The following PAPPA variants were observed in gnomAD, a reference collection of about 807,000 sequenced individuals.
PAPPA encodes pappalysin 1.
Under a neutral mutation model 164.0 loss-of-function variants are expected in PAPPA, and 60 were observed. That is an observed-to-expected ratio of 0.37 (90% CI 0.30 to 0.45). The LOEUF (loss-of-function observed/expected upper bound fraction) is 0.45, where lower values mean the gene tolerates loss of function less well. Ranked by LOEUF, PAPPA falls within the 20% of genes least tolerant of loss-of-function variation. The pLI, the probability that PAPPA is intolerant of heterozygous loss-of-function variation, is 1.00. For synonymous variants in PAPPA, 875 were observed against 814.1 expected, an observed-to-expected ratio of 1.07 and a Z score of -1.27; for missense variants, 1,782 against 2,087.3, an observed-to-expected ratio of 0.85 and a Z score of 2.85.
chr9:116,218,215 A>G (rs924443463), intron 4 of PAPPA, among the ~76,000 whole-genome samples: 3 of 152,154 alleles, frequency 2.0e-5, no homozygotes, highest in African/African-American at 7.2e-5. Flanking sequence ...GGCAAAAATT[A>G]CTAAGGGGAT....
At chr9:116,303,565 A>G (rs781532161) in intron 10 of PAPPA, among the ~76,000 whole-genome samples, 2 of 152,104 alleles carry the variant, frequency 1.3e-5, no homozygotes, top group African/African-American at 2.4e-5. Flanking sequence ...GTATGATTCT[A>G]GAGATGGTCA....
intron 7 of PAPPA, among the ~76,000 whole-genome samples, chr9:116,263,102 A>G: frequency 6.6e-6 from 1 of 152,192 alleles, no homozygotes; most frequent in East Asian, 1.9e-4. Context: ...TGGGATAACA[A>G]CACCTTCCTC....
intron 10 of PAPPA, among the ~76,000 whole-genome samples, chr9:116,319,345 C>T (rs1460108656): frequency 1.3e-5 from 2 of 152,184 alleles, no homozygotes; most frequent in African/African-American, 4.8e-5. Flanking sequence ...CTCCTCAAAA[C>T]GGGCATCTGG....
chr9:116,236,978 G>A (rs1416217247), intron 7 of PAPPA, among the ~76,000 whole-genome samples: 2 of 152,178 alleles, frequency 1.3e-5, no homozygotes, highest in Non-Finnish European at 2.9e-5. Flanking sequence ...TAGAGTCTTC[G>A]CCATCTAACT....
At chr9:116,269,446 G>A (rs1845112518) in intron 8 of PAPPA, among the ~76,000 whole-genome samples, 1 of 152,162 alleles carries the variant, frequency 6.6e-6, no homozygotes, top group Non-Finnish European at 1.5e-5. Context: ...GGATGATGAA[G>A]ACTCTGTCAC....
intron 5 of PAPPA, 116 bp from the exon 6 acceptor site, chr9:116,227,315 G>A: frequency 9.2e-7 from 1 of 1,082,292 alleles, no homozygotes; most frequent in Non-Finnish European, 1.4e-6. Flanking sequence ...AGGCAGGAAA[G>A]GGGGAAACAC....
At chr9:116,364,257 C>T (rs917751049) in intron 18 of PAPPA, among the ~76,000 whole-genome samples, 11 of 152,314 alleles carry the variant, frequency 7.2e-5, no homozygotes, top group African/African-American at 2.6e-4. Context: ...AATATTCATT[C>T]ATACTCTTAA....
intron 1 of PAPPA, among the ~76,000 whole-genome samples, chr9:116,155,050 G>A (rs1006098565): frequency 2.6e-5 from 4 of 152,182 alleles, no homozygotes; most frequent in African/African-American, 9.6e-5. Flanking sequence ...AGCCGGCAAG[G>A]GCAAGGTTGT....
At chr9:116,356,271 G>C (rs546525482) in intron 17 of PAPPA, among the ~76,000 whole-genome samples, 3 of 152,200 alleles carry the variant, frequency 2.0e-5, no homozygotes, top group Non-Finnish European at 4.4e-5. Context: ...CTTTTCTTGT[G>C]TATAAAATGA....
Position 116,171,330 on chromosome 9 carries a change from T to G in PAPPA, c.416-15824T>G, listed in dbSNP as rs569782210. On this transcript the variant is annotated intron_variant, in intron 1 of 21. Transcript: ENST00000328252. ...GAATGCCCTTGTGGCATGGGGTTGTTTCAGTTTCCAAAGCATTTTCGACAT... is the reference window on the plus strand; with the variant it reads ...GAATGCCCTTGTGGCATGGGGTTGTGTCAGTTTCCAAAGCATTTTCGACAT... 5.3e-5 allele frequency among the ~76,000 whole-genome samples: 8 copies of G among 152,228 alleles called. No individual in the cohort carries two copies. The South Asian group carries it at 1.7e-3, about 32-fold the overall frequency.
intron 20 of PAPPA, 82 bp downstream of exon 20, chr9:116,377,729 A>G: frequency 9.8e-7 from 1 of 1,017,722 alleles, no homozygotes; most frequent in Non-Finnish European, 1.5e-6. Flanking sequence ...AATGTTGGCT[A>G]TCCTTTGCCA....
intron 21 of PAPPA, among the ~76,000 whole-genome samples, chr9:116,388,966 T>A (rs975528972): frequency 6.6e-5 from 10 of 152,174 alleles, no homozygotes; most frequent in African/African-American, 2.2e-4. Context: ...CTAAGAAGGC[T>A]AGTGATTCTA....
At chr9:116,265,179 C>T (rs903617235) in intron 7 of PAPPA, among the ~76,000 whole-genome samples, 6 of 152,186 alleles carry the variant, frequency 3.9e-5, no homozygotes, top group Admixed American at 3.9e-4. Flanking sequence ...GATTCACCAT[C>T]TGTAAAATCA....
intron 1 of PAPPA, among the ~76,000 whole-genome samples, chr9:116,185,160 T>G (rs890474021): frequency 6.6e-6 from 1 of 152,140 alleles, no homozygotes; most frequent in Non-Finnish European, 1.5e-5. Context: ...CACAGAACCT[T>G]ACTTAACCCG....
intron 10 of PAPPA, among the ~76,000 whole-genome samples, chr9:116,304,897 G>A (rs1845624541): frequency 6.6e-6 from 1 of 152,090 alleles, no homozygotes; most frequent in African/African-American, 2.4e-5. Flanking sequence ...GGAGATTTCA[G>A]CTGTAACTAA....
intron 9 of PAPPA, among the ~76,000 whole-genome samples, chr9:116,295,202 A>G (rs558661654): frequency 7.9e-5 from 12 of 152,316 alleles, no homozygotes; most frequent in Admixed American, 3.3e-4. Flanking sequence ...GAGATTTCCA[A>G]AAGTAATATT....
At chr9:116,389,129 CTTTTTTTTT>C (rs374938651) in intron 21 of PAPPA, among the ~76,000 whole-genome samples, 1 of 128,858 alleles carries the variant, frequency 7.8e-6, no homozygotes, top group Non-Finnish European at 1.6e-5. Context: ...CAGAATAATC[CTTTTTTTTT>C]TTTTTTTTTT....
intron 2 of PAPPA, among the ~76,000 whole-genome samples, chr9:116,203,778 T>G (rs1340735008): frequency 6.6e-6 from 1 of 151,980 alleles, no homozygotes; most frequent in African/African-American, 2.4e-5. Context: ...ATACATGGAG[T>G]GCATCACATG....
At position 116,192,726 on chromosome 9, in the gene PAPPA, C is replaced by T. The variant is rs547519971; in HGVS notation, c.1478+4510C>T. ...ATTCCAGGTGAACTGTGGCCATTCT[C>T]TACAGTGGTGGAGAATAGCCAGGGA... On this transcript the variant is annotated intron_variant, in intron 2 of 21. Transcript: ENST00000328252. 2.6e-5 allele frequency among the ~76,000 whole-genome samples: 4 copies of T among 152,334 alleles called. No individual in the cohort carries two copies. In the South Asian group the frequency reaches 8.3e-4, roughly 32 times the overall value.
Sources: gnomAD v4.1 joint callset for allele counts (sites outside exome capture counted in the v4.1 genomes callset) on GRCh38, gnomAD v4.1.1 for gene constraint, MANE v1.5 for transcripts, NCBI Gene and HGNC (gene_info 2026-07-23, HGNC 2026-07-21) for gene names.